Variants in ACOD1 observed in about 807,000 individuals in gnomAD.
The protein encoded by ACOD1 is aconitate decarboxylase 1.
In ACOD1, 14 loss-of-function variants were observed where a neutral mutation model predicts 14.2. The observed-to-expected ratio is 0.99, with a 90% CI of 0.65 to 1.54. The LOEUF is 1.54. Ranked by LOEUF, ACOD1 falls within the 40% of genes most tolerant of loss-of-function variation. The pLI, the probability that ACOD1 is intolerant of heterozygous loss-of-function variation, is 0.00. For missense variants in ACOD1, 530 were observed against 586.3 expected (o/e 0.90, Z 0.99); for synonymous variants, 182 against 221.7 (o/e 0.82, Z 1.59).
At chr13:76,950,841 G>A (rs2033814724) in intron 1 of ACOD1, among the ~76,000 whole-genome samples, 1 of 152,120 alleles carries the variant, frequency 6.6e-6, no homozygotes, top group Admixed American at 6.5e-5. Context: ...ACAGTCTTTA[G>A]AGTGATGTAA....
At chr13:76,955,126 C>CAAAAAAAAAAAAAAAAAAA (rs34230053) in intron 3 of ACOD1, among the ~76,000 whole-genome samples, 193 bp from the exon 4 acceptor site, 2 of 98,874 alleles carry the variant, frequency 2.0e-5, no homozygotes, top group African/African-American at 9.6e-5. Context: ...GACTCTGTCT[C>CAAAAAAAAAAAAAAAAAAA]AAAAAAAAAA....
At chr13:76,951,394 C>T (rs2033819860) in intron 1 of ACOD1, among the ~76,000 whole-genome samples, 1 of 152,240 alleles carries the variant, frequency 6.6e-6, no homozygotes, top group Middle Eastern at 3.4e-3. Flanking sequence ...CACCACCACA[C>T]CCGGCTAATT....
Position 76,957,320 on chromosome 13 carries a change from A to G in ACOD1, c.781A>G (p.Ser261Gly), listed in dbSNP as rs986841269. Reference protein sequence around the residue: ...PKVLPSIASYSWLLDQQDVAF... With the variant: ...PKVLPSIASYGWLLDQQDVAF... ...AGTCCTTCCAAGCATAGCTTCCTAC[A>G]GTTGGCTGCTGGACCAGCAGGACGT... Residue 261 changes from serine (S) to glycine (G), a missense_variant, in exon 5 of 5, where the codon AGT becomes GGT. Transcript: ENST00000377462. The G allele has an allele frequency of 3.2e-6, 5 of 1,550,546 alleles. No homozygotes were observed. The African/African-American group carries it at 6.8e-5, about 21-fold the overall frequency.
chr13:76,951,321 C>T (rs1021787137), intron 1 of ACOD1, among the ~76,000 whole-genome samples: 3 of 152,114 alleles, frequency 2.0e-5, no homozygotes, highest in Admixed American at 1.3e-4. Context: ...CTGCAACCTC[C>T]GCCTCCCAGG....
intron 1 of ACOD1, among the ~76,000 whole-genome samples, chr13:76,950,822 A>G (rs2033814474): frequency 6.6e-6 from 1 of 152,320 alleles, no homozygotes; most frequent in East Asian, 1.9e-4. Flanking sequence ...TTGGCTCCCC[A>G]TTGACATCAC....
chr13:76,958,469 T>G lies in ACOD1; in HGVS notation c.*484T>G, dbSNP rs1368463608. 1 of 154,196 alleles carries G rather than the reference T, an allele frequency of 6.5e-6. No individual in the cohort carries two copies. Among genetic ancestry groups the G allele is most frequent in the East Asian group, 1.9e-4 (1 of 5,194 alleles). The allele number at this position is 154,196 out of a possible 1,614,324, so 9.6% of individuals were successfully genotyped here. A position where few individuals can be genotyped will look rare whatever the true frequency, so the allele number is the denominator to read the frequency against. ...TTTAAATCCTGCCTCTGCCATTCAC[T>G]AGATGTAGCCTTGAGCATGTTACCA... On this transcript the variant is annotated 3_prime_UTR_variant, in exon 5 of 5. Coordinates refer to ENST00000377462, the MANE Select transcript of ACOD1 (RefSeq NM_001258406.2).
intron 2 of ACOD1, among the ~76,000 whole-genome samples, chr13:76,952,900 A>C (rs1230957531): frequency 6.6e-6 from 1 of 152,200 alleles, no homozygotes; most frequent in Non-Finnish European, 1.5e-5. Context: ...CCAGAGGCCA[A>C]GGTGGGCAGA....
chr13:76,950,194 C>A (rs566986681), intron 1 of ACOD1, among the ~76,000 whole-genome samples: 98 of 152,272 alleles, frequency 6.4e-4, no homozygotes, highest in Non-Finnish European at 1.2e-3. Flanking sequence ...CCAGATACCC[C>A]AGGTCCCCTA....
intron 2 of ACOD1, among the ~76,000 whole-genome samples, chr13:76,953,262 A>C (rs1593890254): frequency 1.3e-5 from 2 of 152,318 alleles, no homozygotes; most frequent in African/African-American, 4.8e-5. Flanking sequence ...TGTATGTGAG[A>C]GCTCCTGCTC....
At chr13:76,956,810 G>GC (rs1225904569) in intron 4 of ACOD1, among the ~76,000 whole-genome samples, 200 bp from the exon 5 acceptor site, 8 of 152,100 alleles carry the variant, frequency 5.3e-5, no homozygotes, top group Non-Finnish European at 7.4e-5. Context: ...ACCACACCTC[G>GC]CCTATCACCA....
At chr13:76,953,432 T>C (rs2033842650) in intron 2 of ACOD1, among the ~76,000 whole-genome samples, 168 bp from the exon 3 acceptor site, 1 of 152,200 alleles carries the variant, frequency 6.6e-6, no homozygotes, top group South Asian at 2.1e-4. Flanking sequence ...AGGGGAGAGC[T>C]GTGTATTCTA....
chr13:76,957,143 G>T lies in ACOD1; in HGVS notation c.604G>T (p.Ala202Ser). ...VSHAGAPMAN[A>S]ATQTKPLHIG... ...CCATGCTGGGGCACCCATGGCCAAT[G>T]CTGCCACCCAGACCAAGCCCCTCCA... is the stretch of plus-strand genomic sequence containing the variant. The change falls in exon 5 of 5, where the codon GCT (alanine) becomes TCT (serine). Residue 202 changes from alanine (A) to serine (S), a missense_variant. Transcript: ENST00000377462. 2 of 1,550,662 alleles carry T rather than the reference G, an allele frequency of 1.3e-6. No homozygotes were observed. The highest frequency in any genetic ancestry group is 2.4e-5 in the South Asian group (2 of 84,066).
chr13:76,952,214 T>C (rs1288540588), intron 1 of ACOD1, among the ~76,000 whole-genome samples: 1 of 152,026 alleles, frequency 6.6e-6, no homozygotes, highest in South Asian at 2.1e-4. Flanking sequence ...CCACCACCCA[T>C]CACGCAATGC....
At position 76,958,117 on chromosome 13, in the gene ACOD1, A is replaced by G. The variant is rs2033899417; in HGVS notation, c.*132A>G. 5.6e-6 allele frequency: 5 copies of G among 890,010 alleles called. No homozygotes were observed. Among genetic ancestry groups the G allele is most frequent in the African/African-American group, 5.1e-5 (3 of 59,238 alleles). 55.1% of individuals were successfully genotyped at this position (890,010 alleles called of 1,614,324 possible). A position where few individuals can be genotyped will look rare whatever the true frequency, so the allele number is the denominator to read the frequency against. On this transcript the variant is annotated 3_prime_UTR_variant, in exon 5 of 5. Coordinates refer to ENST00000377462, the MANE Select transcript of ACOD1 (RefSeq NM_001258406.2). ...AGAGAGTCCAGAAACAGAACTACATATATCTGGAAGGAGCCTTCTCCTGAA... is the reference window on the plus strand; with the variant it reads ...AGAGAGTCCAGAAACAGAACTACATGTATCTGGAAGGAGCCTTCTCCTGAA...
In ACOD1 at chr13:76,957,044, A is replaced by G. The variant is rs116855637; in HGVS notation, c.505A>G (p.Ser169Gly). ...HPPSVVGTLG[S>G]AAAASKFLGL... Reference sequence around the variant, plus strand: ...CCCTTCCGTGGTAGGAACGTTGGGTAGTGCTGCTGCTGCATCCAAGTTTTT... The same window carrying G: ...CCCTTCCGTGGTAGGAACGTTGGGTGGTGCTGCTGCTGCATCCAAGTTTTT... Residue 169 changes from serine (S) to glycine (G), a missense_variant, in exon 5 of 5, where the codon AGT becomes GGT. Physicochemically the swap from Ser to Gly is moderately conservative, Grantham distance 56 (BLOSUM62 0). Coordinates refer to ENST00000377462, the MANE Select transcript of ACOD1 (RefSeq NM_001258406.2). 13,530 of 1,550,358 alleles carry G rather than the reference A, an allele frequency of 8.7e-3. 77 individuals carry two copies. Among genetic ancestry groups the G allele is most frequent in the Middle Eastern group, 0.017 (102 of 5,990 alleles).
intron 1 of ACOD1, 92 bp downstream of exon 1, chr13:76,948,662 A>C: frequency 1.9e-6 from 2 of 1,031,972 alleles, no homozygotes; most frequent in Non-Finnish European, 2.9e-6. Context: ...CCTTTTAAGA[A>C]CTACCTGCTT....
Position 76,957,761 on chromosome 13 carries a change from C to T in ACOD1, c.1222C>T (p.His408Tyr), listed in dbSNP as rs1566207610. 9 of 1,550,686 alleles carry T rather than the reference C, an allele frequency of 5.8e-6. No individual in the cohort carries two copies. Among genetic ancestry groups the T allele is most frequent in the Non-Finnish European group, 7.8e-6 (9 of 1,147,028 alleles). Residue 408 changes from histidine (H) to tyrosine (Y), a missense_variant, in exon 5 of 5, where the codon CAC (histidine) becomes TAC (tyrosine). Coordinates refer to ENST00000377462, the MANE Select transcript of ACOD1 (RefSeq NM_001258406.2). ...AGATCGCTCTGATACCTTCTATGGG[C>T]ACTGGAGAAAACCACTGAGCCAGGA... ...FTDRSDTFYGHWRKPLSQEDL... is the reference protein window; with the variant it reads ...FTDRSDTFYGYWRKPLSQEDL...
Position 76,957,985 on chromosome 13 carries a change from A to C in ACOD1, c.1446A>C (p.Ter482CysextTer7). ...ATAATTCTATCACAAATCTCTCCTG[A>C]GGCTTACCAACATCTAAATGACTTT... ...ACNNSITNLS[*>C] The change falls in exon 5 of 5, where the codon TGA (stop) becomes TGC (cysteine). Residue 482 changes from the stop codon to cysteine (C), a stop_lost. Coordinates refer to ENST00000377462, the MANE Select transcript of ACOD1 (RefSeq NM_001258406.2). 6.6e-7 allele frequency: 1 copy of C among 1,507,048 alleles called. No individual in the cohort carries two copies. The highest frequency in any genetic ancestry group is 8.8e-7 in the Non-Finnish European group (1 of 1,130,518). The allele number at this position is 1,507,048 out of a possible 1,614,324, so 93.4% of individuals were successfully genotyped here.
Position 76,957,830 on chromosome 13 carries a change from T to C in ACOD1, c.1291T>C (p.Ser431Pro). 1 of 1,551,126 alleles carries C rather than the reference T, an allele frequency of 6.4e-7. No homozygotes were observed. Among genetic ancestry groups the C allele is most frequent in the Non-Finnish European group, 8.7e-7 (1 of 1,147,130 alleles). The change falls in exon 5 of 5, where the codon TCC becomes CCC. Residue 431 changes from serine (S) to proline (P), a missense_variant. Physicochemically the swap from Ser to Pro is moderately conservative, Grantham distance 74. Coordinates refer to ENST00000377462, the MANE Select transcript of ACOD1 (RefSeq NM_001258406.2). ...CAGAGCCAATGCCTCCAAGATGCTG[T>C]CCTGGGACACAGTGGAAAGCCTTAT... Reference protein sequence around the residue: ...KFRANASKMLSWDTVESLIKI... With the variant: ...KFRANASKMLPWDTVESLIKI...
Sources: gnomAD v4.1 joint callset for allele counts (sites outside exome capture counted in the v4.1 genomes callset) on GRCh38, gnomAD v4.1.1 for gene constraint, MANE v1.5 for transcripts, NCBI Gene and HGNC (gene_info 2026-07-23, HGNC 2026-07-21) for gene names.